The following SPTA1 variants were observed in gnomAD, a reference collection of about 807,000 sequenced individuals.
The protein encoded by SPTA1 is spectrin alpha chain, erythrocytic 1.
SPTA1 carries 177 observed loss-of-function variants against 324.7 expected under a neutral mutation model. That is an observed-to-expected ratio of 0.55 (90% CI 0.48 to 0.62). The LOEUF (loss-of-function observed/expected upper bound fraction) is 0.62. SPTA1 is among the 20% of genes least tolerant of loss of function. The pLI, the probability that SPTA1 is intolerant of heterozygous loss-of-function variation, is 0.00. For synonymous variants in SPTA1, 1,195 were observed against 1,041.3 expected (o/e 1.15, Z -2.84); for missense variants, 3,162 against 2,883.6 (o/e 1.10, Z -2.21).
At position 158,611,201 on chromosome 1, in the gene SPTA1, CT is replaced by C. The variant is rs1404408644; in HGVS notation, c.*62del. ...TTTATCTTCCACATTTGCCTGTACT[CT>C]TTGCCCCCCAGTAAATTTCCCACGA... On this transcript the variant is annotated 3_prime_UTR_variant, in exon 52 of 52. Coordinates refer to ENST00000643759, the MANE Select transcript of SPTA1 (RefSeq NM_003126.4). 16 of 1,599,096 alleles carry C rather than the reference CT, an allele frequency of 1.0e-5. No individual in the cohort carries two copies.
At chr1:158,619,151 A>G in intron 45 of SPTA1, 71 bp downstream of exon 45, 1 of 1,417,542 alleles carries the variant, frequency 7.1e-7, no homozygotes, top group South Asian at 1.1e-5. Flanking sequence ...CTTCCCTTCA[A>G]ACATGTATTT....
chr1:158,645,085 A>G, intron 29 of SPTA1, 103 bp downstream of exon 29: 2 of 1,206,886 alleles, frequency 1.7e-6, no homozygotes, highest in Non-Finnish European at 2.4e-6. Context: ...CTTTGTGTTT[A>G]TAACGTGGAA....
chr1:158,649,736 T>A (rs1048769481), intron 25 of SPTA1, 120 bp downstream of exon 25: 1 of 812,934 alleles, frequency 1.2e-6, no homozygotes, highest in Non-Finnish European at 2.1e-6. Context: ...AATTTTCTAT[T>A]GGCACATTGT....
chr1:158,651,374 A>G lies in SPTA1; in HGVS notation c.3470T>C (p.Ile1157Thr). The part of the protein sequence containing the change: ...EGLLTPEGAQ[I>T]RQELNSRWGS... ...GGAGGGAGCCTTAGTTACCTGCCGG[A>G]TTTGAGCTCCTTCTGGTGTTAGAAG... The change falls in exon 24 of 52, where the codon ATC (isoleucine) becomes ACC (threonine). Residue 1157 changes from isoleucine (I) to threonine (T), a missense_variant. By Grantham distance (89) the Ile-to-Thr change is moderately conservative. Transcript: ENST00000643759. The G allele has an allele frequency of 1.9e-6, 3 of 1,613,164 alleles. No individual in the cohort carries two copies. Among genetic ancestry groups the G allele is most frequent in the Non-Finnish European group, 2.5e-6 (3 of 1,179,172 alleles).
At position 158,626,949 on chromosome 1, in the gene SPTA1, T is replaced by C; in HGVS notation, c.5723A>G (p.Glu1908Gly). 1 of 1,613,974 alleles carries C rather than the reference T, an allele frequency of 6.2e-7. No individual in the cohort carries two copies. The highest frequency in any genetic ancestry group is 8.5e-7 in the Non-Finnish European group (1 of 1,179,856). The change falls in exon 41 of 52, where the codon GAA becomes GGA. Residue 1908 changes from glutamate to glycine, a missense_variant. Glu to Gly is a moderately conservative substitution (Grantham distance 98). Coordinates refer to ENST00000643759, the MANE Select transcript of SPTA1 (RefSeq NM_003126.4). ...TGCCTTAGCCAGAGAAGGGGTCTTT[T>C]CATTCAGAGCCTCTATCTTGGAAGA... Reference protein sequence around the residue: ...EISSKIEALNEKTPSLAKAIA... With the variant: ...EISSKIEALNGKTPSLAKAIA...
At chr1:158,622,652 G>C in intron 43 of SPTA1, 1 of 304,156 alleles carries the variant, frequency 3.3e-6, no homozygotes, top group Admixed American at 4.8e-5. Context: ...ATTTGGGTTA[G>C]GAAAAGTACA....
chr1:158,643,309 A>C lies in SPTA1; in HGVS notation c.4442+13T>G, dbSNP rs1343083793. On this transcript the variant is annotated intron_variant, in intron 31 of 51. Coordinates refer to ENST00000643759, the MANE Select transcript of SPTA1 (RefSeq NM_003126.4). ...TCTTCCTTTGGCACATAAAACAATC[A>C]CTCAGGCCTGACCTGTCTAGTACAC... The C allele has an allele frequency of 6.2e-7, 1 of 1,613,618 alleles. No homozygotes were observed. The highest frequency in any genetic ancestry group is 8.5e-7 in the Non-Finnish European group (1 of 1,179,748).
intron 37 of SPTA1, 145 bp downstream of exon 37, chr1:158,636,496 A>T: frequency 1.0e-6 from 1 of 959,778 alleles, no homozygotes; most frequent in Non-Finnish European, 1.6e-6. Context: ...TGGAAGAGAA[A>T]AGAATATTTG....
At position 158,638,610 on chromosome 1, in the gene SPTA1, G is replaced by A. The variant is rs900372957; in HGVS notation, c.4981-369C>T. Among the ~76,000 whole-genome samples the A allele has an allele frequency of 2.6e-5, 4 of 152,100 alleles. No individual in the cohort carries two copies. In the East Asian group the frequency reaches 7.8e-4, roughly 29 times the overall value. On this transcript the variant is annotated intron_variant, in intron 35 of 51. Transcript: ENST00000643759. Reference sequence around the variant, plus strand: ...AGGCGGTTGGATCAAGAAGTCAGGAGTTCAAGACCACTGTGGCCAACATGG... The same window carrying A: ...AGGCGGTTGGATCAAGAAGTCAGGAATTCAAGACCACTGTGGCCAACATGG...
chr1:158,676,814 G>A (rs115862682), intron 7 of SPTA1, among the ~76,000 whole-genome samples: 1,871 of 152,188 alleles, frequency 0.012, 13 homozygotes, highest in Non-Finnish European at 0.017. Context: ...TGTGGATATG[G>A]GTGGGTTTTC....
chr1:158,615,344 C>T lies in SPTA1; in HGVS notation c.6660G>A (p.Gly2220=), dbSNP rs866923524. 1 of 1,614,076 alleles carries T rather than the reference C, an allele frequency of 6.2e-7. No homozygotes were observed. The highest frequency in any genetic ancestry group is 8.5e-7 in the Non-Finnish European group (1 of 1,180,014). Residue 2220 remains glycine, a synonymous_variant, in exon 48 of 52, where the codon GGG becomes GGA. Transcript: ENST00000643759. Reference sequence around the variant, plus strand: ...GGATCAGAGCGTCTTCCAAGTTGTCCCCCAGGTCCACAATCTTGGTTAGTT... The same window carrying T: ...GGATCAGAGCGTCTTCCAAGTTGTCTCCCAGGTCCACAATCTTGGTTAGTT... ...KRQLTKIVDL[G]DNLEDALILD...
chr1:158,669,034 G>A (rs1383378081), intron 14 of SPTA1, among the ~76,000 whole-genome samples: 1 of 152,076 alleles, frequency 6.6e-6, no homozygotes, highest in African/African-American at 2.4e-5. Flanking sequence ...CACTTTAAAT[G>A]TATTGATGGG....
intron 17 of SPTA1, 107 bp downstream of exon 17, chr1:158,662,595 C>T: frequency 6.7e-7 from 1 of 1,488,460 alleles, no homozygotes; most frequent in Non-Finnish European, 9.2e-7. Flanking sequence ...TGAGAAGAAA[C>T]AGCTAAGAGC....
rs982347368 is a variant in SPTA1, at chr1:158,662,819, C to A, written c.2347G>T (p.Ala783Ser). 1.2e-6 allele frequency: 2 copies of A among 1,614,026 alleles called. No individual in the cohort carries two copies. Among genetic ancestry groups the A allele is most frequent in the Admixed American group, 1.7e-5 (1 of 60,006 alleles). The stretch of plus-strand genomic sequence containing the variant: ...TCTAAGAGCTTCTTCTTTCGGGTGG[C>A]CAGTGGCTCTTTCAGAGCTTCAAAT... ...CRFEALKEPL[A>S]TRKKKLLDLL... Residue 783 changes from alanine (A) to serine (S), a missense_variant, in exon 17 of 52, where the codon GCC becomes TCC. Transcript: ENST00000643759.
chr1:158,612,610 T>C (rs1344733279), intron 51 of SPTA1: 1 of 581,868 alleles, frequency 1.7e-6, no homozygotes, highest in East Asian at 3.0e-5. Flanking sequence ...GAATTGACTC[T>C]CACATTCAAT....
chr1:158,613,913 A>C, intron 49 of SPTA1, 46 bp from the exon 50 acceptor site: 1 of 1,590,992 alleles, frequency 6.3e-7, no homozygotes. Flanking sequence ...CTCAATAGAA[A>C]AACCAAGTGA....
chr1:158,647,429 T>A (rs2101844720), intron 27 of SPTA1, 110 bp downstream of exon 27: 1 of 1,385,192 alleles, frequency 7.2e-7, no homozygotes, highest in Middle Eastern at 2.5e-4. Flanking sequence ...GAGGTGAGAC[T>A]TAAACGTAGT....
intron 32 of SPTA1, 72 bp from the exon 33 acceptor site, chr1:158,642,614 A>G (rs527695570): frequency 6.3e-7 from 1 of 1,598,610 alleles, no homozygotes; most frequent in African/African-American, 1.3e-5. Flanking sequence ...AATTGTATTT[A>G]AAAGGAAGGG....
rs751401825 is a variant in SPTA1 at position 158,638,240 on chromosome 1, T to C, written c.4982A>G (p.Asp1661Gly). ...LLEREMLAREDALKDLNTLAE... is the reference protein window; with the variant it reads ...LLEREMLAREGALKDLNTLAE... ...CAATGTATTCAGGTCCTTGAGTGCA[T>C]CCTAGAAAGTCTCGGGATACTCAGT... is the stretch of plus-strand genomic sequence containing the variant. Residue 1661 changes from aspartate (D) to glycine (G), a missense_variant and splice_region_variant, in exon 36 of 52, where the codon GAT becomes GGT. Asp to Gly is a moderately conservative substitution (Grantham distance 94). Coordinates refer to ENST00000643759, the MANE Select transcript of SPTA1 (RefSeq NM_003126.4). 1.2e-6 allele frequency: 2 copies of C among 1,611,176 alleles called. No individual in the cohort carries two copies. Among genetic ancestry groups the C allele is most frequent in the Admixed American group, 3.3e-5 (2 of 59,906 alleles).
Sources: allele counts gnomAD v4.1 joint callset (sites outside exome capture counted in the v4.1 genomes callset), GRCh38; gene constraint gnomAD v4.1.1; transcripts MANE v1.5; gene names NCBI Gene and HGNC (gene_info 2026-07-23, HGNC 2026-07-21).